THSD7B: variants seen among roughly 807,000 people sequenced by gnomAD.
THSD7B encodes the protein thrombospondin type-1 domain-containing protein 7B.
Under a neutral mutation model 213.6 loss-of-function variants are expected in THSD7B, and 138 were observed. That is an observed-to-expected ratio of 0.65 (90% CI 0.56 to 0.74). The LOEUF is 0.74. Ranked by LOEUF, THSD7B falls within the 30% of genes least tolerant of loss-of-function variation. THSD7B has a pLI of 0.00. For synonymous variants in THSD7B, 742 were observed against 687.0 expected, an observed-to-expected ratio of 1.08 and a Z score of -1.25; for missense variants, 1,931 against 1,991.5, an observed-to-expected ratio of 0.97 and a Z score of 0.58.
At chr2:137,668,620 C>A (rs1444714380) in intron 27 of THSD7B, among the ~76,000 whole-genome samples, 1 of 152,052 alleles carries the variant, frequency 6.6e-6, no homozygotes, top group African/African-American at 2.4e-5. Flanking sequence ...GGTGCCTACT[C>A]CCCACACAGT....
intron 7 of THSD7B, among the ~76,000 whole-genome samples, chr2:137,194,064 A>G (rs1680711625): frequency 6.6e-6 from 1 of 152,164 alleles, no homozygotes; most frequent in Non-Finnish European, 1.5e-5. Flanking sequence ...TTGTTTTCAC[A>G]ACTTGCCTCC....
intron 1 of THSD7B, among the ~76,000 whole-genome samples, chr2:136,876,110 A>G (rs1683523320): frequency 6.6e-6 from 1 of 152,208 alleles, no homozygotes; most frequent in South Asian, 2.1e-4. Context: ...GTTTCATGAA[A>G]AAAAGTAGCC....
chr2:137,190,354 C>A (rs566680216), intron 7 of THSD7B, among the ~76,000 whole-genome samples: 51 of 152,176 alleles, frequency 3.4e-4, no homozygotes, highest in African/African-American at 6.3e-4. Flanking sequence ...CTTTTGTGTG[C>A]AAGTGGCTTG....
chr2:137,586,431 C>T (rs930120888), intron 17 of THSD7B, among the ~76,000 whole-genome samples: 37 of 152,246 alleles, frequency 2.4e-4, no homozygotes, highest in South Asian at 6.2e-4. Context: ...TTCCTAGCAT[C>T]GATGGTCTTT....
chr2:137,000,502 A>G (rs916856942), intron 2 of THSD7B, among the ~76,000 whole-genome samples: 1 of 152,150 alleles, frequency 6.6e-6, no homozygotes, highest in African/African-American at 2.4e-5. Context: ...TAACACTGTT[A>G]TTACATTCTT....
chr2:137,277,051 C>T (rs1682892052), intron 12 of THSD7B, among the ~76,000 whole-genome samples: 1 of 151,938 alleles, frequency 6.6e-6, no homozygotes, highest in Middle Eastern at 3.4e-3. Context: ...AATATTTTTG[C>T]CTACTTTCTG....
At chr2:137,532,273 G>T (rs138448746) in intron 15 of THSD7B, among the ~76,000 whole-genome samples, 2 of 151,840 alleles carry the variant, frequency 1.3e-5, no homozygotes, top group African/African-American at 4.8e-5. Flanking sequence ...GCCAATAAAG[G>T]ATGTTTTTCT....
chr2:136,980,761 C>G (rs1685562691), intron 2 of THSD7B, among the ~76,000 whole-genome samples: 1 of 152,150 alleles, frequency 6.6e-6, no homozygotes, highest in Admixed American at 6.5e-5. Context: ...GGTGTGGGTT[C>G]ATGAGGGTAT....
chr2:136,982,935 G>A lies in THSD7B; in HGVS notation c.140-73485G>A, dbSNP rs865915956. Among the ~76,000 whole-genome samples the A allele has an allele frequency of 2.6e-5, 4 of 152,034 alleles. No homozygotes were observed. In the South Asian group the frequency reaches 8.3e-4, roughly 32 times the overall value. On this transcript the variant is annotated intron_variant, in intron 2 of 27. Coordinates refer to ENST00000409968, the MANE Select transcript of THSD7B (RefSeq NM_001316349.2). ...CATTATTTTCCTTCAAGAATGATAG[G>A]GTCAGAATGTGGAATTCCAAGATAC...
At chr2:136,906,629 C>A (rs952290879) in intron 2 of THSD7B, 3 of 152,130 alleles carry the variant, frequency 2.0e-5, no homozygotes, top group African/African-American at 7.2e-5. Context: ...GGAAGTTCTA[C>A]TGTAACTTTT....
At chr2:137,580,623 A>G (rs1251424978) in intron 17 of THSD7B, among the ~76,000 whole-genome samples, 1 of 152,172 alleles carries the variant, frequency 6.6e-6, no homozygotes, top group African/African-American at 2.4e-5. Flanking sequence ...TTCCTGGTAT[A>G]TTAGATTGTT....
At chr2:137,146,778 C>T (rs1373798488) in intron 5 of THSD7B, among the ~76,000 whole-genome samples, 3 of 151,836 alleles carry the variant, frequency 2.0e-5, no homozygotes, top group Admixed American at 1.3e-4. Flanking sequence ...GAGGAAAAGA[C>T]AATTAGGAAA....
chr2:137,167,352 C>T (rs1680157814), intron 6 of THSD7B, among the ~76,000 whole-genome samples: 1 of 151,908 alleles, frequency 6.6e-6, no homozygotes, highest in Non-Finnish European at 1.5e-5. Flanking sequence ...AGGCAGGTGC[C>T]ACCCTGCCTG....
intron 12 of THSD7B, among the ~76,000 whole-genome samples, chr2:137,331,698 A>G (rs541593574): frequency 1.3e-5 from 2 of 152,136 alleles, no homozygotes; most frequent in African/African-American, 2.4e-5. Context: ...ACAGGAGCCC[A>G]TGGAGGGGGT....
At chr2:137,386,228 T>C (rs1685889961) in intron 12 of THSD7B, among the ~76,000 whole-genome samples, 2 of 152,240 alleles carry the variant, frequency 1.3e-5, no homozygotes, top group Admixed American at 1.3e-4. Context: ...TGGCTGATGC[T>C]CGGGGTCCCA....
At chr2:137,104,080 T>C (rs1308494905) in intron 4 of THSD7B, among the ~76,000 whole-genome samples, 1 of 151,768 alleles carries the variant, frequency 6.6e-6, no homozygotes, top group Non-Finnish European at 1.5e-5. Context: ...AGAATATACA[T>C]TCTTCTCAGC....
At chr2:137,085,117 G>A (rs1449255490) in intron 3 of THSD7B, among the ~76,000 whole-genome samples, 1 of 152,208 alleles carries the variant, frequency 6.6e-6, no homozygotes, top group Admixed American at 6.5e-5. Context: ...GCAAGAGATA[G>A]GGGATTCCTA....
intron 4 of THSD7B, 82 bp downstream of exon 4, chr2:137,095,203 G>A (rs889763541): frequency 1.8e-5 from 27 of 1,538,440 alleles, no homozygotes; most frequent in Non-Finnish European, 2.4e-5. Context: ...GAAAGTAGCT[G>A]TGACTCATAT....
At chr2:136,928,994 TGA>T (rs1684588311) in intron 2 of THSD7B, among the ~76,000 whole-genome samples, 1 of 152,154 alleles carries the variant, frequency 6.6e-6, no homozygotes, top group African/African-American at 2.4e-5. Flanking sequence ...AATTTGAAGA[TGA>T]GATTTATCAT....
Sources: gnomAD v4.1 joint callset for allele counts (sites outside exome capture counted in the v4.1 genomes callset) on GRCh38, gnomAD v4.1.1 for gene constraint, MANE v1.5 for transcripts, NCBI Gene and HGNC (gene_info 2026-07-23, HGNC 2026-07-21) for gene names.